The following CCSER2 variants were observed in gnomAD, a reference collection of about 807,000 sequenced individuals.
The protein encoded by CCSER2 is serine-rich coiled-coil domain-containing protein 2.
In CCSER2, 46 loss-of-function variants were observed where a neutral mutation model predicts 92.3. That is an observed-to-expected ratio of 0.50 (90% CI 0.39 to 0.64). CCSER2 has a LOEUF of 0.64. CCSER2 is among the 30% of genes least tolerant of loss of function. The probability of loss-of-function intolerance (pLI) is 0.00; values close to 1 mark genes in which losing one functional copy is unlikely to be tolerated. For missense variants in CCSER2, 1,244 were observed against 1,238.9 expected, an observed-to-expected ratio of 1.00 and a Z score of -0.06; for synonymous variants, 433 against 431.4, an observed-to-expected ratio of 1.00 and a Z score of -0.04.
intron 5 of CCSER2, among the ~76,000 whole-genome samples, chr10:84,429,536 G>T (rs1843643752): frequency 6.6e-6 from 1 of 152,008 alleles, no homozygotes; most frequent in Non-Finnish European, 1.5e-5. Flanking sequence ...CAACTCCCAT[G>T]CTTTCTGATG....
chr10:84,491,067 C>G (rs1046374796), intron 9 of CCSER2, among the ~76,000 whole-genome samples: 1 of 152,340 alleles, frequency 6.6e-6, no homozygotes, highest in East Asian at 1.9e-4. Context: ...TATTGCTGAA[C>G]AGCAAATGTT....
rs749961178 is a variant in CCSER2, at chr10:84,372,153, G to A, written c.1101G>A (p.Leu367=). The change falls in exon 2 of 10, where the codon CTG becomes CTA. Residue 367 remains leucine, a synonymous_variant. Coordinates refer to ENST00000372088, the MANE Select transcript of CCSER2 (RefSeq NM_001284240.2). ...GAGCTGCTAATAAGGACCAAGAACT[G>A]ATTGAAAATGAAAGTTATAGAACAA... ...KDRAANKDQE[L]IENESYRTKN... is the part of the protein sequence containing the mutation. The A allele has an allele frequency of 1.9e-6, 3 of 1,613,350 alleles. No individual in the cohort carries two copies. The highest frequency in any genetic ancestry group is 3.3e-5 in the Admixed American group (2 of 59,924).
intron 1 of CCSER2, among the ~76,000 whole-genome samples, chr10:84,339,000 T>A (rs929187010): frequency 1.3e-5 from 2 of 152,214 alleles, no homozygotes; most frequent in Non-Finnish European, 2.9e-5. Context: ...CACTGATCCA[T>A]GCCCCAAGTT....
At chr10:84,455,271 C>G (rs899859548) in intron 6 of CCSER2, 1 of 141,824 alleles carries the variant, frequency 7.1e-6, no homozygotes, top group Admixed American at 7.5e-5. Flanking sequence ...TTTTCTTTTT[C>G]TTTTTCTTTT....
At chr10:84,368,384 G>GA (rs1205742667) in intron 1 of CCSER2, among the ~76,000 whole-genome samples, 1 of 151,572 alleles carries the variant, frequency 6.6e-6, no homozygotes, top group Non-Finnish European at 1.5e-5. Context: ...GTTTTCTGCT[G>GA]AAAAAAACCA....
intron 6 of CCSER2, among the ~76,000 whole-genome samples, chr10:84,451,737 A>G (rs148228131): frequency 6.6e-6 from 1 of 152,348 alleles, no homozygotes; most frequent in East Asian, 1.9e-4. Flanking sequence ...TTAGAATATT[A>G]TAAAGGTTCT....
intron 5 of CCSER2, among the ~76,000 whole-genome samples, chr10:84,436,163 T>TA (rs1844111775): frequency 7.2e-6 from 1 of 139,462 alleles, no homozygotes; most frequent in South Asian, 2.3e-4. Flanking sequence ...CCGTCTCTAC[T>TA]AAAAATACAA....
intron 3 of CCSER2, among the ~76,000 whole-genome samples, chr10:84,403,572 T>C (rs1024175190): frequency 6.6e-6 from 1 of 152,148 alleles, no homozygotes; most frequent in African/African-American, 2.4e-5. Context: ...TAACAAACTC[T>C]GAAGTTGAAC....
chr10:84,473,935 A>C (rs1006349442), intron 8 of CCSER2, among the ~76,000 whole-genome samples: 1 of 152,168 alleles, frequency 6.6e-6, no homozygotes, highest in South Asian at 2.1e-4. Context: ...ATTCAACTCC[A>C]ACCTATGTTT....
At chr10:84,477,492 G>T in intron 8 of CCSER2, 83 bp from the exon 9 acceptor site, 2 of 652,234 alleles carry the variant, frequency 3.1e-6, no homozygotes, top group Non-Finnish European at 5.3e-6. Context: ...GGTGTTTTAT[G>T]TGTTTTCCTA....
At chr10:84,488,090 C>T (rs978935242) in intron 9 of CCSER2, among the ~76,000 whole-genome samples, 6 of 152,192 alleles carry the variant, frequency 3.9e-5, no homozygotes, top group African/African-American at 1.4e-4. Flanking sequence ...GGGATGAAGC[C>T]CACTTGATCA....
At chr10:84,367,049 G>T (rs1845809831) in intron 1 of CCSER2, among the ~76,000 whole-genome samples, 1 of 152,154 alleles carries the variant, frequency 6.6e-6, no homozygotes, top group Non-Finnish European at 1.5e-5. Flanking sequence ...AGGTTATCCA[G>T]TTATTTCCTT....
At chr10:84,347,774 G>C (rs1446562386) in intron 1 of CCSER2, among the ~76,000 whole-genome samples, 1 of 151,068 alleles carries the variant, frequency 6.6e-6, no homozygotes, top group Non-Finnish European at 1.5e-5. Flanking sequence ...CTCCTTCTCA[G>C]ACGGGGCGGC....
intron 6 of CCSER2, among the ~76,000 whole-genome samples, chr10:84,440,820 T>C (rs938521734): frequency 6.6e-6 from 1 of 152,228 alleles, no homozygotes; most frequent in African/African-American, 2.4e-5. Context: ...TGAAATAGTT[T>C]CGTTGTAATA....
At chr10:84,459,079 C>A (rs1845946020) in intron 6 of CCSER2, among the ~76,000 whole-genome samples, 1 of 152,162 alleles carries the variant, frequency 6.6e-6, no homozygotes, top group Non-Finnish European at 1.5e-5. Context: ...ACGATCTCAG[C>A]TCACTGCAAC....
intron 6 of CCSER2, among the ~76,000 whole-genome samples, chr10:84,453,158 T>G (rs938256000): frequency 2.6e-5 from 3 of 116,574 alleles, no homozygotes; most frequent in African/African-American, 8.1e-5. Context: ...TTATTTCATT[T>G]TTTTTTTCAG....
At chr10:84,358,216 G>C (rs1845295472) in intron 1 of CCSER2, among the ~76,000 whole-genome samples, 1 of 152,140 alleles carries the variant, frequency 6.6e-6, no homozygotes, top group African/African-American at 2.4e-5. Flanking sequence ...AGTTTAACCT[G>C]GTTATCTTTT....
At chr10:84,502,081 C>A (rs181469253) in intron 9 of CCSER2, among the ~76,000 whole-genome samples, 44 of 149,830 alleles carry the variant, frequency 2.9e-4, no homozygotes, top group African/African-American at 1.1e-3. Flanking sequence ...TTGAATTCAC[C>A]CTGAGAACAG....
intron 3 of CCSER2, among the ~76,000 whole-genome samples, chr10:84,401,784 T>C (rs990730889): frequency 6.6e-6 from 1 of 152,232 alleles, no homozygotes; most frequent in Non-Finnish European, 1.5e-5. Flanking sequence ...TGCATGCTTG[T>C]AATTTTATGT....
Sources: gnomAD v4.1 joint callset for allele counts (sites outside exome capture counted in the v4.1 genomes callset) on GRCh38, gnomAD v4.1.1 for gene constraint, MANE v1.5 for transcripts, NCBI Gene and HGNC (gene_info 2026-07-23, HGNC 2026-07-21) for gene names.